Variants in PCDH15 observed in about 807,000 individuals in gnomAD.
The protein encoded by PCDH15 is protocadherin related 15.
PCDH15 carries 129 observed loss-of-function variants against 178.5 expected under a neutral mutation model. That is an observed-to-expected ratio of 0.72 (90% CI 0.63 to 0.84). The LOEUF is 0.84. PCDH15 is among the 40% of genes least tolerant of loss of function. PCDH15 has a pLI of 0.00. For synonymous variants in PCDH15, 800 were observed against 732.0 expected, an observed-to-expected ratio of 1.09 and a Z score of -1.50; for missense variants, 2,230 against 2,099.9, an observed-to-expected ratio of 1.06 and a Z score of -1.21.
At chr10:54,383,157 C>A (rs1311252486) in intron 3 of PCDH15, among the ~76,000 whole-genome samples, 2 of 151,076 alleles carry the variant, frequency 1.3e-5, no homozygotes, top group Non-Finnish European at 2.9e-5. Context: ...GGAACATTAT[C>A]AACAAAATGA....
chr10:54,657,332 A>G (rs1345473972), intron 2 of PCDH15, among the ~76,000 whole-genome samples: 7 of 152,212 alleles, frequency 4.6e-5, no homozygotes, highest in African/African-American at 1.7e-4. Context: ...GCCACAGCCC[A>G]ACAGGATCTC....
At chr10:55,329,881 G>A (rs1347668668) in intron 2 of PCDH15, among the ~76,000 whole-genome samples, 1 of 151,634 alleles carries the variant, frequency 6.6e-6, no homozygotes, top group Non-Finnish European at 1.5e-5. Flanking sequence ...ACCTATTAAG[G>A]TGACAAATAT....
At chr10:54,740,465 A>G (rs931135214) in intron 1 of PCDH15, among the ~76,000 whole-genome samples, 1 of 151,880 alleles carries the variant, frequency 6.6e-6, no homozygotes, top group Non-Finnish European at 1.5e-5. Flanking sequence ...GAACAGTATG[A>G]AGGTTCTACT....
At chr10:55,463,925 GAAAGAAAGAAAGAAAGAAAGAAAGAA>G (rs1839742757) in intron 2 of PCDH15, among the ~76,000 whole-genome samples, 2 of 55,064 alleles carry the variant, frequency 3.6e-5, no homozygotes, top group African/African-American at 1.8e-4. Flanking sequence ...AAGAAAGAAA[GAAAGAAAGAAAGAAAGAAAGAAAGAA>G]AGAAAGAAAG....
intron 35 of PCDH15, among the ~76,000 whole-genome samples, 198 bp downstream of exon 35, chr10:53,816,041 G>GGAA (rs1400693413): frequency 2.6e-5 from 4 of 152,038 alleles, no homozygotes; most frequent in African/African-American, 9.7e-5. Flanking sequence ...CTAAAAATTT[G>GGAA]GAAGTTGAGC....
At chr10:55,070,576 A>C (rs2132012239) in intron 2 of PCDH15, among the ~76,000 whole-genome samples, 1 of 152,262 alleles carries the variant, frequency 6.6e-6, no homozygotes, top group East Asian at 1.9e-4. Context: ...TTTGTGAAAG[A>C]TCAGATAGTT....
intron 1 of PCDH15, among the ~76,000 whole-genome samples, chr10:55,299,654 C>G (rs1482223942): frequency 6.6e-6 from 1 of 152,150 alleles, no homozygotes; most frequent in African/African-American, 2.4e-5. Flanking sequence ...ATTTCTTACA[C>G]TTCTCAATGA....
rs564814631 is a variant in PCDH15 at position 54,270,222 on chromosome 10, A to G, written c.877-33291T>C. ...AAATGGGATCCATTTTCTAAAATTGAGTATATAGATACTTCATGAAATGTC... is the reference window on the plus strand; with the variant it reads ...AAATGGGATCCATTTTCTAAAATTGGGTATATAGATACTTCATGAAATGTC... On this transcript the variant is annotated intron_variant, in intron 8 of 37. Transcript: ENST00000644397. 5.2e-4 allele frequency among the ~76,000 whole-genome samples: 79 copies of G among 152,256 alleles called. 1 individual carries two copies. The South Asian group carries it at 0.016, about 31-fold the overall frequency.
At chr10:55,405,402 C>T (rs114733073) in intron 2 of PCDH15, among the ~76,000 whole-genome samples, 6 of 149,834 alleles carry the variant, frequency 4.0e-5, no homozygotes, top group South Asian at 2.1e-4. Flanking sequence ...CTTTAAATAC[C>T]TGTCTTTTAA....
intron 2 of PCDH15, among the ~76,000 whole-genome samples, chr10:55,521,283 T>C (rs553937783): frequency 6.6e-6 from 1 of 152,054 alleles, no homozygotes; most frequent in Non-Finnish European, 1.5e-5. Flanking sequence ...TAATATGCAC[T>C]GAATATACAG....
intron 2 of PCDH15, among the ~76,000 whole-genome samples, chr10:55,569,256 T>C (rs951454660): frequency 2.6e-5 from 4 of 152,040 alleles, no homozygotes; most frequent in African/African-American, 9.7e-5. Context: ...AAATTACCTA[T>C]GCAATAAGAT....
At chr10:55,272,895 A>T (rs1842482921) in intron 1 of PCDH15, among the ~76,000 whole-genome samples, 2 of 151,774 alleles carry the variant, frequency 1.3e-5, no homozygotes, top group Non-Finnish European at 2.9e-5. Context: ...TCTTGTTTCA[A>T]CTCCCAAAAT....
rs72788822 is a variant in PCDH15, at chr10:55,492,245, T to A, written c.-156+135380A>T. Among the ~76,000 whole-genome samples the A allele has an allele frequency of 1.5e-3, 225 of 151,414 alleles. 2 individuals are homozygous for A. Among genetic ancestry groups the A allele is most frequent in the Non-Finnish European group, 2.8e-3 (190 of 67,744 alleles). On this transcript the variant is annotated intron_variant, in intron 2 of 5. Transcript: ENST00000613346. Reference sequence around the variant, plus strand: ...AAAAAAAAGAAAAAAGAAAAAAAAATTATCTCTCAGAGCTGTAAAAACAGC... The same window carrying A: ...AAAAAAAAGAAAAAAGAAAAAAAAAATATCTCTCAGAGCTGTAAAAACAGC...
intron 1 of PCDH15, among the ~76,000 whole-genome samples, chr10:55,285,063 T>C (rs1842832775): frequency 6.6e-6 from 1 of 151,418 alleles, no homozygotes; most frequent in Non-Finnish European, 1.5e-5. Context: ...TCTTAATCTC[T>C]CTGAAGATAT....
chr10:55,386,278 T>A (rs780035077), intron 2 of PCDH15, among the ~76,000 whole-genome samples: 2 of 151,950 alleles, frequency 1.3e-5, no homozygotes, highest in Non-Finnish European at 2.9e-5. Context: ...TAAAAGAAGA[T>A]AATATGAAAT....
chr10:54,117,398 T>G (rs2095134424), intron 15 of PCDH15, among the ~76,000 whole-genome samples: 1 of 152,088 alleles, frequency 6.6e-6, no homozygotes, highest in Admixed American at 6.5e-5. Flanking sequence ...AAGGAGGGTG[T>G]CACAGCCCTG....
chr10:54,436,157 G>A (rs2075405641), intron 3 of PCDH15, among the ~76,000 whole-genome samples: 1 of 148,398 alleles, frequency 6.7e-6, no homozygotes, highest in Non-Finnish European at 1.5e-5. Flanking sequence ...AAGGAAGGAA[G>A]AAAGGAAGGA....
At chr10:55,257,379 CTT>C (rs1432711286) in intron 1 of PCDH15, among the ~76,000 whole-genome samples, 1 of 152,154 alleles carries the variant, frequency 6.6e-6, no homozygotes, top group Non-Finnish European at 1.5e-5. Context: ...TGGAGAATGA[CTT>C]TGACGAGTTG....
chr10:55,512,182 C>A lies in PCDH15; in HGVS notation c.-156+115443G>T, dbSNP rs141586351. 3.6e-3 allele frequency among the ~76,000 whole-genome samples: 544 copies of A among 152,080 alleles called. 6 individuals carry two copies. Among genetic ancestry groups the A allele is most frequent in the African/African-American group, 0.013 (522 of 41,530 alleles). ...AATGGTGTTTATGAGAATACTGACT[C>A]GTGGAAATTTAAATAATGTCTTGCT... is the stretch of plus-strand genomic sequence containing the variant. On this transcript the variant is annotated intron_variant, in intron 2 of 5. Coordinates refer to the PCDH15 transcript ENST00000613346.
Sources: gnomAD v4.1 joint callset for allele counts (sites outside exome capture counted in the v4.1 genomes callset) on GRCh38, gnomAD v4.1.1 for gene constraint, MANE v1.5 for transcripts, NCBI Gene and HGNC (gene_info 2026-07-23, HGNC 2026-07-21) for gene names.